PCDHGB1: variants seen among roughly 807,000 people sequenced by gnomAD.
PCDHGB1 encodes the protein protocadherin gamma-B1.
In PCDHGB1, 34 loss-of-function variants were observed where a neutral mutation model predicts 56.6. The observed-to-expected ratio is 0.60, with a 90% CI of 0.46 to 0.80. PCDHGB1 has a LOEUF of 0.80. Ranked by LOEUF, PCDHGB1 falls within the 30% of genes least tolerant of loss-of-function variation. The pLI is 0.00. For synonymous variants in PCDHGB1, 561 were observed against 505.9 expected, an observed-to-expected ratio of 1.11 and a Z score of -1.46; for missense variants, 1,278 against 1,204.6, an observed-to-expected ratio of 1.06 and a Z score of -0.90.
rs1194909537 is a variant in PCDHGB1 at position 141,511,022 on chromosome 5, T to C, written c.2633T>C (p.Phe878Ser). 1 of 1,614,176 alleles carries C rather than the reference T, an allele frequency of 6.2e-7. No individual in the cohort carries two copies. The highest frequency in any genetic ancestry group is 8.5e-7 in the Non-Finnish European group (1 of 1,180,020). ...MGLSARYGPQ[F>S]TLQHVPDYRQ... ...TTGAGCGCCCGCTACGGACCCCAGT[T>C]CACCCTGCAGCACGTGCCCGACTAC... The change falls in exon 4 of 4, where the codon TTC becomes TCC. Residue 878 changes from phenylalanine (F) to serine (S), a missense_variant. Transcript: ENST00000523390.
intron 1 of PCDHGB1, chr5:141,398,707 C>G (rs1257471989): frequency 6.8e-6 from 11 of 1,613,742 alleles, no homozygotes; most frequent in African/African-American, 1.3e-5. Context: ...ATACCCGGAA[C>G]TGGCACTGGA....
chr5:141,356,235 A>G (rs1479657610), intron 1 of PCDHGB1: 3 of 1,587,502 alleles, frequency 1.9e-6, no homozygotes, highest in African/African-American at 1.3e-5. Flanking sequence ...ACAACGCACC[A>G]GAAGTCACAG....
chr5:141,497,512 T>C (rs903352739), intron 2 of PCDHGB1, among the ~76,000 whole-genome samples: 2 of 151,896 alleles, frequency 1.3e-5, no homozygotes, highest in Admixed American at 1.3e-4. Flanking sequence ...TCTGCTTCCT[T>C]AGTTAACTTG....
At chr5:141,366,613 G>A (rs555802357) in intron 1 of PCDHGB1, 93 of 1,614,096 alleles carry the variant, frequency 5.8e-5, no homozygotes, top group African/African-American at 8.0e-5. Context: ...CCCTCACCGC[G>A]GACTCGAGGA....
At chr5:141,424,129 T>G in intron 1 of PCDHGB1, 1 of 492,066 alleles carries the variant, frequency 2.0e-6, no homozygotes, top group Non-Finnish European at 2.7e-6. Context: ...TCCTGTTGAT[T>G]TAATAGCATG....
chr5:141,394,120 C>G, intron 1 of PCDHGB1: 3 of 1,613,954 alleles, frequency 1.9e-6, no homozygotes, highest in Non-Finnish European at 1.7e-6. Context: ...TCCACTGAAA[C>G]TCAAATCGCT....
intron 1 of PCDHGB1, chr5:141,384,958 T>A: frequency 6.2e-7 from 1 of 1,613,954 alleles, no homozygotes; most frequent in Non-Finnish European, 8.5e-7. Context: ...TCCTTACAAC[T>A]ATGACCTCAC....
chr5:141,478,481 C>A, intron 1 of PCDHGB1: 1 of 1,613,576 alleles, frequency 6.2e-7, no homozygotes, highest in South Asian at 1.1e-5. Flanking sequence ...CCAGAACACG[C>A]TGCGGAGCTG....
intron 3 of PCDHGB1, 89 bp from the exon 4 acceptor site, chr5:141,510,858 T>G: frequency 6.2e-7 from 1 of 1,606,182 alleles, no homozygotes; most frequent in Non-Finnish European, 8.5e-7. Context: ...GGGTGCTGTA[T>G]AGGCATTCAT....
At chr5:141,375,673 G>A (rs1467021613) in intron 1 of PCDHGB1, 1 of 1,614,248 alleles carries the variant, frequency 6.2e-7, no homozygotes. Flanking sequence ...ACCTACAGCT[G>A]TGGGTGACAG....
At chr5:141,375,705 C>G (rs1257909608) in intron 1 of PCDHGB1, 26 of 1,614,162 alleles carry the variant, frequency 1.6e-5, no homozygotes, top group Non-Finnish European at 2.1e-5. Context: ...GGGGACCCGC[C>G]TCTTAGCAGC....
chr5:141,507,478 C>T (rs933478897), intron 3 of PCDHGB1, among the ~76,000 whole-genome samples: 5 of 152,158 alleles, frequency 3.3e-5, no homozygotes, highest in African/African-American at 1.2e-4. Flanking sequence ...GGACTGCTGG[C>T]CTCCTGAGGC....
chr5:141,462,998 C>A (rs562002585), intron 1 of PCDHGB1, among the ~76,000 whole-genome samples: 3 of 152,190 alleles, frequency 2.0e-5, no homozygotes, highest in Admixed American at 2.0e-4. Context: ...CTAATTTAGA[C>A]CTACCACTTA....
rs564486909 is a variant in PCDHGB1, at chr5:141,428,072, G to C, written c.2410-66735G>C. ...AGGTGGTGGCGGTGGACGCAGATTC[G>C]GGACACAACGCTTGGCTGTCCTACC... is the stretch of plus-strand genomic sequence containing the variant. On this transcript the variant is annotated intron_variant, in intron 1 of 3. Transcript: ENST00000523390. 5 of 1,609,080 alleles carry C rather than the reference G, an allele frequency of 3.1e-6. 1 individual carries two copies. The South Asian group carries it at 5.5e-5, about 18-fold the overall frequency.
At chr5:141,503,478 C>T (rs1249372985) in intron 2 of PCDHGB1, among the ~76,000 whole-genome samples, 3 of 151,680 alleles carry the variant, frequency 2.0e-5, no homozygotes, top group East Asian at 1.9e-4. Context: ...GTGCACTTGT[C>T]GTCCCAGCTG....
chr5:141,462,656 A>G (rs1427673992), intron 1 of PCDHGB1, among the ~76,000 whole-genome samples: 2 of 151,950 alleles, frequency 1.3e-5, no homozygotes, highest in African/African-American at 4.8e-5. Context: ...ATCCTCAATT[A>G]TCTTCATATT....
intron 1 of PCDHGB1, chr5:141,417,622 G>T (rs1036510827): frequency 1.5e-6 from 1 of 668,534 alleles, no homozygotes; most frequent in Non-Finnish European, 2.4e-6. Flanking sequence ...TGCAGAGCAA[G>T]CGCTGACGCC....
chr5:141,371,208 G>A (rs926435059), intron 1 of PCDHGB1: 2 of 1,613,802 alleles, frequency 1.2e-6, no homozygotes, highest in Admixed American at 1.7e-5. Flanking sequence ...CATGGATGAG[G>A]GCATCAATGC....
intron 1 of PCDHGB1, chr5:141,374,308 C>T: frequency 6.2e-7 from 1 of 1,613,970 alleles, no homozygotes; most frequent in Non-Finnish European, 8.5e-7. Flanking sequence ...TGCAGCTTTT[C>T]TCTCTGAATC....
Sources: gnomAD v4.1 joint callset for allele counts (sites outside exome capture counted in the v4.1 genomes callset) on GRCh38, gnomAD v4.1.1 for gene constraint, MANE v1.5 for transcripts, NCBI Gene and HGNC (gene_info 2026-07-23, HGNC 2026-07-21) for gene names.